The following PNPLA7 variants were observed in gnomAD, a reference collection of about 807,000 sequenced individuals.
The protein encoded by PNPLA7 is patatin-like phospholipase domain-containing protein 7.
PNPLA7 carries 153 observed loss-of-function variants against 161.7 expected under a neutral mutation model. The ratio of observed to expected loss-of-function variants is 0.95; its 90% CI spans 0.83 to 1.08. PNPLA7 has a LOEUF of 1.08. Among genes scored for constraint, PNPLA7 ranks in the 50% least tolerant of loss-of-function variants. PNPLA7 has a pLI of 0.00. For missense variants in PNPLA7, 1,739 were observed against 1,856.6 expected (o/e 0.94, Z 1.16); for synonymous variants, 809 against 782.1 (o/e 1.03, Z -0.57).
rs1832490768 is a variant in PNPLA7 at position 137,486,494 on chromosome 9, A to T, written c.2198-1758T>A. The stretch of plus-strand genomic sequence containing the variant: ...TTAAATAAATACTCAAGGCCTCCCA[A>T]AAGAAAAACACCCGTACCTGTATGC... On this transcript the variant is annotated intron_variant, in intron 20 of 34. Coordinates refer to ENST00000406427, the MANE Select transcript of PNPLA7 (RefSeq NM_001098537.3). This position sits in a 1 kb window ranked among gnomAD's most constrained non-coding sequence, Gnocchi z 6.0. 6.6e-6 allele frequency among the ~76,000 whole-genome samples: 1 copy of T among 152,162 alleles called. No individual in the cohort carries two copies. Among genetic ancestry groups the T allele is most frequent in the South Asian group, 2.1e-4 (1 of 4,826 alleles).
chr9:137,461,695 G>A (rs1831205218), intron 32 of PNPLA7, 75 bp from the exon 33 acceptor site: 2 of 1,435,044 alleles, frequency 1.4e-6, no homozygotes, highest in Admixed American at 2.0e-5. Flanking sequence ...CCTGTGGGGA[G>A]GCCCCACCCA....
intron 7 of PNPLA7, among the ~76,000 whole-genome samples, chr9:137,542,036 C>T (rs1331433373): frequency 2.0e-5 from 3 of 152,162 alleles, no homozygotes; most frequent in African/African-American, 7.2e-5. Context: ...CCCACCTTGG[C>T]CTTAATTACT....
rs113443565 is a variant in PNPLA7, at chr9:137,524,538, T to G, written c.748-1681A>C. Among the ~76,000 whole-genome samples, 3 of 152,234 alleles carry G rather than the reference T, an allele frequency of 2.0e-5. No homozygotes were observed. Among genetic ancestry groups the G allele is most frequent in the African/African-American group, 7.2e-5 (3 of 41,462 alleles). ...TGCTTGATAAATATGCATCTCCCAG[T>G]GTTTGCGTGGACACAGTTCTCATCC... On this transcript the variant is annotated intron_variant, in intron 8 of 34. Coordinates refer to ENST00000406427, the MANE Select transcript of PNPLA7 (RefSeq NM_001098537.3). This position sits in a 1 kb window ranked among gnomAD's most constrained non-coding sequence, Gnocchi z 4.4.
rs775243210 is a variant in PNPLA7, at chr9:137,460,468, C to T, written c.3954G>A (p.Glu1318=). 12 of 1,612,422 alleles carry T rather than the reference C, an allele frequency of 7.4e-6. No homozygotes were observed. The highest frequency in any genetic ancestry group is 1.0e-5 in the Non-Finnish European group (12 of 1,179,914). ...TGGGGTGTCGATGCCGCAGTGAGGA[C>T]TCGTCCTCCTGCAAGCAGACCGCAT... ...SAQQGSDLED[E]SSLRHRHPSL... is the part of the protein sequence containing the mutation. The change falls in exon 35 of 35, where the codon GAG becomes GAA. Residue 1318 remains glutamate (E), a synonymous_variant. Transcript: ENST00000406427.
intron 25 of PNPLA7, among the ~76,000 whole-genome samples, chr9:137,475,916 A>C (rs552500238): frequency 7.9e-5 from 12 of 152,310 alleles, no homozygotes; most frequent in African/African-American, 2.4e-4. Context: ...TGGTCTTAAA[A>C]TGTTTACTTC....
At position 137,460,422 on chromosome 9, in the gene PNPLA7, A is replaced by G. The variant is rs779328082; in HGVS notation, c.4000T>C (p.Ser1334Pro). 1.2e-6 allele frequency: 2 copies of G among 1,612,624 alleles called. No individual in the cohort carries two copies. The highest frequency in any genetic ancestry group is 1.7e-6 in the Non-Finnish European group (2 of 1,179,870). Residue 1334 changes from serine to proline, a missense_variant, in exon 35 of 35, where the codon TCT becomes CCT. Coordinates refer to ENST00000406427, the MANE Select transcript of PNPLA7 (RefSeq NM_001098537.3). Reference sequence around the variant, plus strand: ...CCGTCCTGGTCAGAGGAGCCCTCAGACAGTTTTGGGAAAGCCAGACTGGGG... The same window carrying G: ...CCGTCCTGGTCAGAGGAGCCCTCAGGCAGTTTTGGGAAAGCCAGACTGGGG... ...RHPSLAFPKL[S>P]EGSSDQDG
intron 11 of PNPLA7, among the ~76,000 whole-genome samples, chr9:137,519,475 C>T (rs1000773761): frequency 4.6e-5 from 7 of 152,210 alleles, no homozygotes; most frequent in East Asian, 1.9e-4. Flanking sequence ...TGAGGACATC[C>T]GGGCCTCATG....
At chr9:137,494,990 C>G in intron 19 of PNPLA7, 43 bp downstream of exon 19, 1 of 1,541,754 alleles carries the variant, frequency 6.5e-7, no homozygotes, top group Non-Finnish European at 8.9e-7. Context: ...TCATCCACTC[C>G]ACACCCTCAT....
At chr9:137,464,723 G>C in intron 26 of PNPLA7, 1 of 479,624 alleles carries the variant, frequency 2.1e-6, no homozygotes, top group South Asian at 2.3e-5. Context: ...ACCCTCGCAG[G>C]CTCTGCAGCG....
At chr9:137,494,661 ACCTG>A (rs1832945783) in intron 19 of PNPLA7, among the ~76,000 whole-genome samples, 1 of 141,978 alleles carries the variant, frequency 7.0e-6, no homozygotes, top group African/African-American at 2.7e-5. Context: ...CCGCGCCCTC[ACCTG>A]TGCCCTGCCC....
intron 25 of PNPLA7, among the ~76,000 whole-genome samples, chr9:137,471,093 CAGAA>C (rs1270752453): frequency 6.6e-6 from 1 of 152,186 alleles, no homozygotes; most frequent in Non-Finnish European, 1.5e-5. Context: ...GAAGAAGAAA[CAGAA>C]AGAACGTACA....
chr9:137,507,487 T>C (rs1049165855), intron 12 of PNPLA7, among the ~76,000 whole-genome samples: 5 of 152,058 alleles, frequency 3.3e-5, no homozygotes, highest in African/African-American at 1.2e-4. Context: ...CTGACCAACA[T>C]GGAGAAACCC....
In PNPLA7 at chr9:137,523,920, A is replaced by G. The variant is rs951734826; in HGVS notation, c.748-1063T>C. 4.0e-5 allele frequency among the ~76,000 whole-genome samples: 6 copies of G among 151,508 alleles called. No homozygotes were observed. In the East Asian group the frequency reaches 8.0e-4, roughly 20 times the overall value. On this transcript the variant is annotated intron_variant, in intron 8 of 34. Coordinates refer to ENST00000406427, the MANE Select transcript of PNPLA7 (RefSeq NM_001098537.3). The surrounding 1 kb of genome is among the most constrained non-coding windows in gnomAD (Gnocchi z 4.4). ...GCTGGGATTACCGGCGTGAGCCACCACGCCTGGCTCAGATTATTCTGGAAA... is the reference window on the plus strand; with the variant it reads ...GCTGGGATTACCGGCGTGAGCCACCGCGCCTGGCTCAGATTATTCTGGAAA...
intron 22 of PNPLA7, 149 bp downstream of exon 22, chr9:137,480,811 A>G (rs1832180580): frequency 1.1e-6 from 1 of 928,850 alleles, no homozygotes; most frequent in African/African-American, 1.6e-5. Flanking sequence ...GTGTCCAGTG[A>G]AGGGAGTCAC....
Position 137,540,256 on chromosome 9 carries a change from A to T in PNPLA7, c.747+386T>A, listed in dbSNP as rs1433389905. 6.6e-6 allele frequency among the ~76,000 whole-genome samples: 1 copy of T among 152,214 alleles called. No homozygotes were observed. Among genetic ancestry groups the T allele is most frequent in the Non-Finnish European group, 1.5e-5 (1 of 68,034 alleles). On this transcript the variant is annotated intron_variant, in intron 8 of 34. Transcript: ENST00000406427. This position sits in a 1 kb window ranked among gnomAD's most constrained non-coding sequence, Gnocchi z 5.1. ...CCACAGAAAGACGGCGCCAGCAGGG[A>T]AGAGCCCAGCAGGACCTGCAGGAAA... is the stretch of plus-strand genomic sequence containing the variant.
chr9:137,509,720 G>C (rs1247091005), intron 12 of PNPLA7: 1 of 455,874 alleles, frequency 2.2e-6, no homozygotes, highest in East Asian at 7.0e-5. Context: ...CAGGCATGGA[G>C]CAGCCACAGC....
At position 137,506,065 on chromosome 9, in the gene PNPLA7, G is replaced by T; in HGVS notation, c.1244C>A (p.Thr415Asn). The part of the protein sequence containing the change: ...SAPQGGPGSA[T>N]SDLGMACDRA... ...GTCACATGCCATCCCCAGATCAGAA[G>T]TGGCACTGCCTGGGCCCCCTACACA... The change falls in exon 13 of 35, where the codon ACT (threonine) becomes AAT (asparagine). Residue 415 changes from threonine (T) to asparagine (N), a missense_variant. Thr to Asn is a moderately conservative substitution (Grantham distance 65). Coordinates refer to ENST00000406427, the MANE Select transcript of PNPLA7 (RefSeq NM_001098537.3). The T allele has an allele frequency of 6.2e-7, 1 of 1,612,860 alleles. No individual in the cohort carries two copies. The highest frequency in any genetic ancestry group is 1.1e-5 in the South Asian group (1 of 90,814).
Position 137,469,841 on chromosome 9 carries a change from A to G in PNPLA7, c.2883-2368T>C, listed in dbSNP as rs541714690. 2.6e-5 allele frequency among the ~76,000 whole-genome samples: 4 copies of G among 152,324 alleles called. No individual in the cohort carries two copies. In the East Asian group the frequency reaches 7.7e-4, roughly 29 times the overall value. On this transcript the variant is annotated intron_variant, in intron 25 of 34. Transcript: ENST00000406427. ...AGAAAGCATCAATGATGAACAGGAA[A>G]GAAAATGGGAACATTGGTGCAGATG...
intron 19 of PNPLA7, among the ~76,000 whole-genome samples, chr9:137,494,203 G>C (rs376778501): frequency 6.6e-6 from 1 of 152,110 alleles, no homozygotes; most frequent in Non-Finnish European, 1.5e-5. Context: ...CCCCTCTGCC[G>C]GTCCTTCCTG....
Sources: gnomAD v4.1 joint callset for allele counts (sites outside exome capture counted in the v4.1 genomes callset) on GRCh38, gnomAD v4.1.1 for gene constraint, Gnocchi (gnomAD v3.1) non-coding constraint, MANE v1.5 for transcripts, NCBI Gene and HGNC (gene_info 2026-07-23, HGNC 2026-07-21) for gene names.